LIPI: variants seen among roughly 807,000 people sequenced by gnomAD.
The protein encoded by LIPI is lipase member I.
In LIPI, 59 loss-of-function variants were observed where a neutral mutation model predicts 50.6. That is an observed-to-expected ratio of 1.16 (90% CI 0.94 to 1.45). The LOEUF is 1.45. Ranked by LOEUF, LIPI falls within the 40% of genes most tolerant of loss-of-function variation. The pLI is 0.00. For synonymous variants in LIPI, 203 were observed against 178.2 expected (o/e 1.14, Z -1.11); for missense variants, 586 against 536.3 (o/e 1.09, Z -0.92).
chr21:14,210,874 C>T lies in LIPI; in HGVS notation c.-29G>A. On this transcript the variant is annotated 5_prime_UTR_variant, in exon 1 of 10. The change creates a new upstream start codon in the 5' untranslated region. Coordinates refer to ENST00000681601, the MANE Select transcript of LIPI (RefSeq NM_001302998.2). ...GAATCTGAGAAAAGCAAAAACAGCA[C>T]TCAATTCACCAAAAAGGAAATTCCG... 8.3e-7 allele frequency: 1 copy of T among 1,209,534 alleles called. No individual in the cohort carries two copies. Among genetic ancestry groups the T allele is most frequent in the Middle Eastern group, 2.3e-4 (1 of 4,356 alleles). The allele number at this position is 1,209,534 out of a possible 1,614,324, so 74.9% of individuals were successfully genotyped here.
chr21:14,171,841 G>T (rs2018920709), intron 4 of LIPI, among the ~76,000 whole-genome samples: 1 of 150,720 alleles, frequency 6.6e-6, no homozygotes, highest in Non-Finnish European at 1.5e-5. Flanking sequence ...AAAAGCAATG[G>T]CAACAAAAGC....
intron 9 of LIPI, among the ~76,000 whole-genome samples, chr21:14,140,612 A>G (rs992507081): frequency 1.7e-4 from 26 of 152,076 alleles, no homozygotes; most frequent in Non-Finnish European, 2.9e-4. Flanking sequence ...GTTTATCAGT[A>G]TACATTTAAT....
At chr21:14,143,034 C>A (rs1043715310) in intron 9 of LIPI, among the ~76,000 whole-genome samples, 1 of 151,926 alleles carries the variant, frequency 6.6e-6, no homozygotes, top group African/African-American at 2.4e-5. Context: ...AAAAACCCAG[C>A]GAAATATGCC....
At chr21:14,206,961 T>C (rs1398108427) in intron 1 of LIPI, 1 of 1,311,528 alleles carries the variant, frequency 7.6e-7, no homozygotes, top group Non-Finnish European at 1.1e-6. Flanking sequence ...GCTCTTTGTT[T>C]ATTCATGTAT....
In LIPI at chr21:14,204,015, T is replaced by C. The variant is rs1013839424; in HGVS notation, c.46+6785A>G. On this transcript the variant is annotated intron_variant, in intron 1 of 9. Coordinates refer to ENST00000681601, the MANE Select transcript of LIPI (RefSeq NM_001302998.2). ...AAAACCAAATGCCACATGTTCTCAC[T>C]TCTAAGTGGGAGCTAAATGCTGAAA... 5.9e-5 allele frequency among the ~76,000 whole-genome samples: 9 copies of C among 151,852 alleles called. No homozygotes were observed. The East Asian group carries it at 1.4e-3, about 23-fold the overall frequency.
At chr21:14,147,855 GT>G (rs556531344) in intron 8 of LIPI, among the ~76,000 whole-genome samples, 1 of 151,968 alleles carries the variant, frequency 6.6e-6, no homozygotes, top group East Asian at 1.9e-4. Context: ...CCCTTACCCT[GT>G]TTTTTTGTTC....
chr21:14,175,290 C>T (rs2019055653), intron 4 of LIPI, among the ~76,000 whole-genome samples: 1 of 152,072 alleles, frequency 6.6e-6, no homozygotes, highest in African/African-American at 2.4e-5. Flanking sequence ...ATGGTCTTGT[C>T]AAGCTTTTGA....
At chr21:14,155,644 A>G (rs1408549162) in intron 7 of LIPI, among the ~76,000 whole-genome samples, 1 of 152,054 alleles carries the variant, frequency 6.6e-6, no homozygotes, top group Non-Finnish European at 1.5e-5. Context: ...TCTGAAAGTC[A>G]TGGAGGTCAA....
intron 1 of LIPI, chr21:14,206,696 T>A: frequency 1.5e-6 from 1 of 676,754 alleles, no homozygotes; most frequent in Non-Finnish European, 2.6e-6. Context: ...ACAACAATAT[T>A]AACCACATGA....
intron 3 of LIPI, among the ~76,000 whole-genome samples, chr21:14,183,080 C>A (rs2019328945): frequency 6.6e-6 from 1 of 150,678 alleles, no homozygotes; most frequent in African/African-American, 2.4e-5. Flanking sequence ...AACTATGCTA[C>A]AAGGCTACAG....
chr21:14,147,862 T>G (rs914120491), intron 8 of LIPI, among the ~76,000 whole-genome samples: 4 of 152,148 alleles, frequency 2.6e-5, no homozygotes, highest in African/African-American at 9.7e-5. Context: ...CCTGTTTTTT[T>G]GTTCCCACTG....
intron 4 of LIPI, among the ~76,000 whole-genome samples, chr21:14,168,666 A>T (rs1474713225): frequency 6.6e-6 from 1 of 152,226 alleles, no homozygotes; most frequent in Admixed American, 6.5e-5. Context: ...GCAAATGCTG[A>T]GAGATTTTTG....
At chr21:14,159,691 A>G (rs2018396777) in intron 7 of LIPI, among the ~76,000 whole-genome samples, 1 of 151,440 alleles carries the variant, frequency 6.6e-6, no homozygotes, top group African/African-American at 2.4e-5. Context: ...TAATAGAAGA[A>G]ATAAAAGCAT....
At chr21:14,196,850 A>G (rs768775374) in intron 1 of LIPI, among the ~76,000 whole-genome samples, 5 of 152,084 alleles carry the variant, frequency 3.3e-5, no homozygotes, top group Admixed American at 2.6e-4. Context: ...AAAATAATCA[A>G]AGTACATTTA....
chr21:14,144,846 T>C, intron 8 of LIPI, 47 bp from the exon 9 acceptor site: 1 of 1,319,942 alleles, frequency 7.6e-7, no homozygotes, highest in Non-Finnish European at 1.1e-6. Flanking sequence ...ATTTGAAACA[T>C]AACTCAATTC....
chr21:14,153,321 C>T (rs191542582), intron 7 of LIPI, among the ~76,000 whole-genome samples: 3 of 152,208 alleles, frequency 2.0e-5, no homozygotes, highest in East Asian at 3.9e-4. Context: ...TAGAACAGAA[C>T]GGATTTATAA....
rs373910335 is a variant in LIPI, at chr21:14,191,993, G to A, written c.47-2574C>T. On this transcript the variant is annotated intron_variant, in intron 1 of 9. Coordinates refer to ENST00000681601, the MANE Select transcript of LIPI (RefSeq NM_001302998.2). ...CATGAATTGAACCAAGAAAAACAGTGTTACCTAACCAACTCCCATATGACT... is the reference window on the plus strand; with the variant it reads ...CATGAATTGAACCAAGAAAAACAGTATTACCTAACCAACTCCCATATGACT... Among the ~76,000 whole-genome samples, 14 of 152,278 alleles carry A rather than the reference G, an allele frequency of 9.2e-5. No individual in the cohort carries two copies. In the East Asian group the frequency reaches 2.7e-3, roughly 29 times the overall value.
intron 4 of LIPI, among the ~76,000 whole-genome samples, chr21:14,170,914 A>G (rs1373390625): frequency 6.6e-6 from 1 of 151,694 alleles, no homozygotes. Flanking sequence ...AGGAAAAGAG[A>G]AAGTCAAATT....
intron 7 of LIPI, among the ~76,000 whole-genome samples, chr21:14,158,636 TATAG>T (rs899543586): frequency 1.3e-4 from 19 of 148,244 alleles, no homozygotes; most frequent in South Asian, 4.2e-4. Flanking sequence ...GAAATATATA[TATAG>T]AGAGAGAACA....
Sources: allele counts gnomAD v4.1 joint callset (sites outside exome capture counted in the v4.1 genomes callset), GRCh38; gene constraint gnomAD v4.1.1; transcripts MANE v1.5; gene names NCBI Gene and HGNC (gene_info 2026-07-23, HGNC 2026-07-21).